The following ACSM2A variants were observed in gnomAD, a reference collection of about 807,000 sequenced individuals.
ACSM2A encodes acyl-coenzyme A synthetase ACSM2A, mitochondrial.
A neutral mutation model predicts 76.6 loss-of-function variants in ACSM2A; 72 were observed. The observed-to-expected ratio is 0.94, with a 90% CI of 0.78 to 1.14. ACSM2A has a LOEUF of 1.14. Ranked by LOEUF, ACSM2A falls within the 50% of genes most tolerant of loss-of-function variation. The pLI is 0.00. For missense variants in ACSM2A, 684 were observed against 708.5 expected, an observed-to-expected ratio of 0.97 and a Z score of 0.39; for synonymous variants, 249 against 255.9, an observed-to-expected ratio of 0.97 and a Z score of 0.26.
intron 4 of ACSM2A, among the ~76,000 whole-genome samples, chr16:20,470,372 G>A (rs1408405819): frequency 6.6e-6 from 1 of 152,168 alleles, no homozygotes; most frequent in African/African-American, 2.4e-5. Context: ...TTGATAGCAT[G>A]GAAAGACCTT....
intron 1 of ACSM2A, among the ~76,000 whole-genome samples, chr16:20,459,892 A>G (rs1235715538): frequency 6.6e-6 from 1 of 152,134 alleles, no homozygotes; most frequent in Non-Finnish European, 1.5e-5. Flanking sequence ...AAGATGTGGG[A>G]TCTAGGACTG....
intron 3 of ACSM2A, among the ~76,000 whole-genome samples, chr16:20,467,504 G>A (rs1215999518): frequency 6.6e-6 from 1 of 152,156 alleles, no homozygotes; most frequent in Non-Finnish European, 1.5e-5. Context: ...CGATGGTGAT[G>A]GCTTCAGTTT....
intron 1 of ACSM2A, among the ~76,000 whole-genome samples, chr16:20,455,679 C>A (rs922939021): frequency 6.8e-6 from 1 of 147,092 alleles, no homozygotes; most frequent in African/African-American, 2.6e-5. Flanking sequence ...GGAAACACAT[C>A]AAAATAGAAC....
chr16:20,456,946 G>A (rs2141682673), intron 1 of ACSM2A, among the ~76,000 whole-genome samples: 1 of 149,494 alleles, frequency 6.7e-6, no homozygotes, highest in Admixed American at 6.7e-5. Flanking sequence ...ATCCAAATAA[G>A]CTCAATTAGA....
At chr16:20,483,037 T>C (rs2014179013) in intron 12 of ACSM2A, 21 bp from the exon 13 acceptor site, 6 of 1,612,962 alleles carry the variant, frequency 3.7e-6, no homozygotes, top group African/African-American at 1.3e-5. Flanking sequence ...CCCTTCTCTC[T>C]GGCCTTCATC....
chr16:20,485,849 G>T (rs373373563), intron 13 of ACSM2A, among the ~76,000 whole-genome samples: 3 of 152,262 alleles, frequency 2.0e-5, no homozygotes, highest in African/African-American at 7.2e-5. Flanking sequence ...TAAACCAATG[G>T]CATGGCAACT....
At chr16:20,480,049 A>G (rs2013994358) in intron 10 of ACSM2A, among the ~76,000 whole-genome samples, 1 of 152,230 alleles carries the variant, frequency 6.6e-6, no homozygotes, top group Admixed American at 6.5e-5. Flanking sequence ...GACAAGGGAT[A>G]AACCTCAAGC....
intron 10 of ACSM2A, 68 bp from the exon 11 acceptor site, chr16:20,480,505 A>G: frequency 6.5e-7 from 1 of 1,548,036 alleles, no homozygotes; most frequent in South Asian, 1.3e-5. Context: ...GCATTTGTTC[A>G]TGGCAGCCCC....
intron 1 of ACSM2A, among the ~76,000 whole-genome samples, chr16:20,454,845 G>A (rs1343042524): frequency 6.6e-6 from 1 of 151,054 alleles, no homozygotes; most frequent in African/African-American, 2.4e-5. Flanking sequence ...GTATTCAGAA[G>A]GGCAATTATT....
Position 20,483,095 on chromosome 16 carries a change from T to C in ACSM2A, c.1547T>C (p.Leu516Pro). Residue 516 changes from leucine (L) to proline (P), a missense_variant, in exon 13 of 14, where the codon CTG becomes CCG. Around this residue, in one of 3 missense-constraint regions of ACSM2A, gnomAD observed 159 missense variants for 132.5 expected, o/e 1.20. Coordinates refer to ENST00000573854, the MANE Select transcript of ACSM2A (RefSeq NM_001308172.2). ...TTTGTGGTCCTGGCCTCGCAGTTCC[T>C]GTCCCATGACCCAGAACAGCTCACC... ...KAFVVLASQF[L>P]SHDPEQLTKE... 1 of 1,614,108 alleles carries C rather than the reference T, an allele frequency of 6.2e-7. No individual in the cohort carries two copies. Among genetic ancestry groups the C allele is most frequent in the Non-Finnish European group, 8.5e-7 (1 of 1,179,976 alleles).
chr16:20,457,958 T>C (rs1403288891), intron 1 of ACSM2A, among the ~76,000 whole-genome samples: 1 of 151,986 alleles, frequency 6.6e-6, no homozygotes, highest in Non-Finnish European at 1.5e-5. Flanking sequence ...AATAAATGAA[T>C]TCAGCAAAGT....
chr16:20,483,155 C>T lies in ACSM2A; in HGVS notation c.1607C>T (p.Ala536Val), dbSNP rs761892143. The change falls in exon 13 of 14, where the codon GCC becomes GTC. Residue 536 changes from alanine (A) to valine (V), a missense_variant. Ala to Val is a moderately conservative substitution (Grantham distance 64). This residue lies in a region of ACSM2A where 159 missense variants were observed against 132.5 expected (regional missense o/e 1.20). Coordinates refer to ENST00000573854, the MANE Select transcript of ACSM2A (RefSeq NM_001308172.2). ...CAGCAGCATGTGAAGTCAGTGACAG[C>T]CCCATACAAGTACCCAAGAAAGGTA... is the stretch of plus-strand genomic sequence containing the variant. ...ELQQHVKSVT[A>V]PYKYPRKIEF... 5 of 1,614,034 alleles carry T rather than the reference C, an allele frequency of 3.1e-6. No individual in the cohort carries two copies. The highest frequency in any genetic ancestry group is 1.6e-4 in the Middle Eastern group (1 of 6,062).
intron 2 of ACSM2A, among the ~76,000 whole-genome samples, chr16:20,462,767 A>G (rs1027474024): frequency 5.3e-5 from 8 of 152,054 alleles, no homozygotes. Context: ...GCAATATAAC[A>G]TTTTCTCAAA....
chr16:20,473,145 C>A (rs961448318), intron 6 of ACSM2A, among the ~76,000 whole-genome samples: 23 of 152,122 alleles, frequency 1.5e-4, no homozygotes, highest in Admixed American at 4.6e-4. Flanking sequence ...CCCATCCAGA[C>A]ATCTATTTGG....
Position 20,486,911 on chromosome 16 carries a change from A to G in ACSM2A, c.*233A>G. ...TAACAGAAAAAAAGGAAAGAAAAGT[A>G]AGTCAGGGAAATATTAAAACTGCAA... On this transcript the variant is annotated 3_prime_UTR_variant, in exon 14 of 14. Coordinates refer to ENST00000573854, the MANE Select transcript of ACSM2A (RefSeq NM_001308172.2). The G allele has an allele frequency of 2.3e-6, 1 of 441,132 alleles. No homozygotes were observed. Among genetic ancestry groups the G allele is most frequent in the Admixed American group, 4.0e-5 (1 of 25,176 alleles). The allele number at this position is 441,132 out of a possible 1,614,324, so 27.3% of individuals were successfully genotyped here.
chr16:20,468,328 C>T (rs1290478998), intron 3 of ACSM2A, among the ~76,000 whole-genome samples: 1 of 152,152 alleles, frequency 6.6e-6, no homozygotes, highest in Non-Finnish European at 1.5e-5. Context: ...GTTTAAGCTT[C>T]ACAAAAAATG....
chr16:20,458,212 A>G (rs2012313574), intron 1 of ACSM2A, among the ~76,000 whole-genome samples: 3 of 151,156 alleles, frequency 2.0e-5, no homozygotes, highest in African/African-American at 2.4e-5. Flanking sequence ...TAAATATTGT[A>G]AAAATGACTA....
In ACSM2A at chr16:20,471,184, G is replaced by A. The variant is rs780104239; in HGVS notation, c.708G>A (p.Ser236=). Residue 236 remains serine, a synonymous_variant, in exon 5 of 14, where the codon TCG becomes TCA. Coordinates refer to ENST00000573854, the MANE Select transcript of ACSM2A (RefSeq NM_001308172.2). ...GLPKMAEHSY[S]SLGLKAKMDA... Reference sequence around the variant, plus strand: ...CCAAGATGGCAGAACATTCCTACTCGAGCCTGGGCCTCAAGGCCAAGATGG... The same window carrying A: ...CCAAGATGGCAGAACATTCCTACTCAAGCCTGGGCCTCAAGGCCAAGATGG... 10 of 1,611,614 alleles carry A rather than the reference G, an allele frequency of 6.2e-6. No individual in the cohort carries two copies. Among genetic ancestry groups the A allele is most frequent in the East Asian group, 2.2e-5 (1 of 44,834 alleles).
chr16:20,470,336 A>C (rs1354479548), intron 4 of ACSM2A, among the ~76,000 whole-genome samples: 2 of 152,170 alleles, frequency 1.3e-5, no homozygotes, highest in Non-Finnish European at 2.9e-5. Context: ...AGAGAGGCTG[A>C]TCAAGGGCAG....
Sources: gnomAD v4.1 joint callset for allele counts (sites outside exome capture counted in the v4.1 genomes callset) on GRCh38, gnomAD v4.1.1 for gene constraint, gnomAD v4.1.1 regional missense constraint, MANE v1.5 for transcripts, NCBI Gene and HGNC (gene_info 2026-07-23, HGNC 2026-07-21) for gene names.